Variants in GUCY1A2 observed in about 807,000 individuals in gnomAD.
GUCY1A2 encodes guanylate cyclase soluble subunit alpha-2.
A neutral mutation model predicts 63.5 loss-of-function variants in GUCY1A2; 27 were observed. The ratio of observed to expected loss-of-function variants is 0.43; its 90% CI spans 0.31 to 0.59. The LOEUF (loss-of-function observed/expected upper bound fraction) is 0.59, where lower values mean the gene tolerates loss of function less well. Among genes scored for constraint, GUCY1A2 ranks in the 20% least tolerant of loss-of-function variants. The pLI is 0.11. For missense variants in GUCY1A2, 768 were observed against 913.3 expected (o/e 0.84, Z 2.05); for synonymous variants, 364 against 343.5 (o/e 1.06, Z -0.66).
At chr11:106,774,964 T>G (rs925109322) in intron 6 of GUCY1A2, among the ~76,000 whole-genome samples, 1 of 152,170 alleles carries the variant, frequency 6.6e-6, no homozygotes, top group Admixed American at 6.5e-5. Context: ...CGTTAAAAAT[T>G]GTCATTTTAA....
chr11:106,784,304 T>G (rs1388242729), intron 5 of GUCY1A2, among the ~76,000 whole-genome samples: 1 of 152,048 alleles, frequency 6.6e-6, no homozygotes, highest in Non-Finnish European at 1.5e-5. Flanking sequence ...TCTCCCAGTA[T>G]TTATGGGGGT....
At chr11:106,971,349 G>A in intron 3 of GUCY1A2, among the ~76,000 whole-genome samples, 1 of 151,994 alleles carries the variant, frequency 6.6e-6, no homozygotes, top group East Asian at 1.9e-4. Flanking sequence ...GTAGAAAGGT[G>A]CTTACCTAAG....
At chr11:106,772,102 AT>A (rs1266193201) in intron 6 of GUCY1A2, among the ~76,000 whole-genome samples, 3 of 152,178 alleles carry the variant, frequency 2.0e-5, no homozygotes, top group Non-Finnish European at 4.4e-5. Flanking sequence ...TTAAAAAAAA[AT>A]AAATGCAGGC....
At chr11:106,988,465 AG>A (rs1262676484) in intron 1 of GUCY1A2, among the ~76,000 whole-genome samples, 1 of 152,220 alleles carries the variant, frequency 6.6e-6, no homozygotes, top group East Asian at 1.9e-4. Context: ...TTTGTACAAA[AG>A]GACATTTTTT....
chr11:106,751,686 A>C (rs113088937), intron 6 of GUCY1A2, among the ~76,000 whole-genome samples: 6 of 152,302 alleles, frequency 3.9e-5, no homozygotes, highest in African/African-American at 1.4e-4. Context: ...TAAAATATAA[A>C]GTCAATATTA....
chr11:106,807,811 C>A (rs1450226569), intron 5 of GUCY1A2, among the ~76,000 whole-genome samples: 8 of 152,134 alleles, frequency 5.3e-5, no homozygotes, highest in African/African-American at 2.4e-5. Flanking sequence ...ACTAGACTGG[C>A]CTGAGTCTTT....
chr11:106,736,411 TG>T (rs1244008007), intron 6 of GUCY1A2, among the ~76,000 whole-genome samples: 1 of 152,182 alleles, frequency 6.6e-6, no homozygotes, highest in Admixed American at 6.6e-5. Context: ...TGCATGTTCT[TG>T]GCACCCTTGG....
rs896401786 is a variant in GUCY1A2, at chr11:106,725,867, C to CT, written c.1837-17202dup. Among the ~76,000 whole-genome samples the CT allele has an allele frequency of 4.0e-3, 581 of 146,892 alleles. 1 individual carries two copies. Among genetic ancestry groups the CT allele is most frequent in the African/African-American group, 0.013 (535 of 40,226 alleles). On this transcript the variant is annotated intron_variant, in intron 6 of 7. Transcript: ENST00000526355. ...TGGACTCTAGTTTCTTACTCCAGAT[C>CT]TTTTTTTTTTTCCCTCCTTTTATAT...
intron 1 of GUCY1A2, 63 bp downstream of exon 1, chr11:107,017,690 G>A: frequency 3.8e-6 from 4 of 1,057,790 alleles, no homozygotes; most frequent in African/African-American, 1.7e-5. Context: ...CTCGCCCAGC[G>A]CCAACTTTAC....
At chr11:106,980,702 T>G (rs928627842) in intron 2 of GUCY1A2, among the ~76,000 whole-genome samples, 29 of 152,194 alleles carry the variant, frequency 1.9e-4, no homozygotes, top group African/African-American at 6.8e-4. Flanking sequence ...TCGAAGGGGA[T>G]GTATCCTAGC....
intron 3 of GUCY1A2, among the ~76,000 whole-genome samples, chr11:106,947,960 GTAAC>G (rs2120007733): frequency 6.6e-6 from 1 of 152,128 alleles, no homozygotes; most frequent in Non-Finnish European, 1.5e-5. Flanking sequence ...AAGAAAGAAA[GTAAC>G]TAAATTGGAA....
chr11:106,936,628 T>C (rs1314065913), intron 4 of GUCY1A2: 1 of 1,427,650 alleles, frequency 7.0e-7, no homozygotes, highest in South Asian at 1.2e-5. Context: ...GGTCAAGCCA[T>C]CTGGAAGAGT....
chr11:106,751,909 T>C (rs1399274498), intron 6 of GUCY1A2, among the ~76,000 whole-genome samples: 4 of 152,222 alleles, frequency 2.6e-5, no homozygotes, highest in Admixed American at 6.5e-5. Flanking sequence ...TATTTCTACA[T>C]TGATAAATCT....
chr11:106,801,886 A>T (rs1336194536), intron 5 of GUCY1A2, among the ~76,000 whole-genome samples: 1 of 152,160 alleles, frequency 6.6e-6, no homozygotes, highest in East Asian at 1.9e-4. Context: ...ATTTAAAAAC[A>T]CAGAAGGGAC....
intron 4 of GUCY1A2, among the ~76,000 whole-genome samples, chr11:106,912,496 C>T (rs1029966929): frequency 8.5e-5 from 13 of 152,048 alleles, no homozygotes; most frequent in Non-Finnish European, 1.6e-4. Flanking sequence ...CTACGAGGTT[C>T]AGGGGTTAGT....
intron 4 of GUCY1A2, among the ~76,000 whole-genome samples, chr11:106,908,134 A>G (rs1320984180): frequency 6.6e-6 from 1 of 152,114 alleles, no homozygotes; most frequent in Non-Finnish European, 1.5e-5. Flanking sequence ...ACCATCAAAG[A>G]GATATTAGGC....
chr11:106,923,161 T>G (rs1043529706), intron 4 of GUCY1A2, among the ~76,000 whole-genome samples: 20 of 152,198 alleles, frequency 1.3e-4, no homozygotes, highest in African/African-American at 4.8e-4. Flanking sequence ...GTAATCAGAT[T>G]ATTTTATGTT....
At chr11:106,715,207 A>C (rs1863193415) in intron 6 of GUCY1A2, among the ~76,000 whole-genome samples, 2 of 152,204 alleles carry the variant, frequency 1.3e-5, no homozygotes, top group Non-Finnish European at 1.5e-5. Context: ...TGCATTAAAA[A>C]AAATTCCTCC....
intron 6 of GUCY1A2, among the ~76,000 whole-genome samples, chr11:106,758,669 G>C (rs1391070783): frequency 6.6e-6 from 1 of 152,200 alleles, no homozygotes; most frequent in Non-Finnish European, 1.5e-5. Context: ...CAACTAGCTT[G>C]AGAACACATT....
Sources: gnomAD v4.1 joint callset for allele counts (sites outside exome capture counted in the v4.1 genomes callset) on GRCh38, gnomAD v4.1.1 for gene constraint, MANE v1.5 for transcripts, NCBI Gene and HGNC (gene_info 2026-07-23, HGNC 2026-07-21) for gene names.